ESRRG: variants seen among roughly 807,000 people sequenced by gnomAD.
The protein encoded by ESRRG is estrogen related receptor gamma, also known as estrogen-related receptor gamma.
Under a neutral mutation model 44.0 loss-of-function variants are expected in ESRRG, and 13 were observed. The ratio of observed to expected loss-of-function variants is 0.30; its 90% CI spans 0.19 to 0.47. ESRRG has a LOEUF of 0.47. Among genes scored for constraint, ESRRG ranks in the 20% least tolerant of loss-of-function variants. ESRRG has a pLI of 1.00. For synonymous variants in ESRRG, 215 were observed against 214.6 expected (o/e 1.00, Z -0.02); for missense variants, 395 against 580.6 (o/e 0.68, Z 3.29).
chr1:216,679,925 C>T (rs2076757081), intron 1 of ESRRG, among the ~76,000 whole-genome samples: 1 of 152,122 alleles, frequency 6.6e-6, no homozygotes, highest in Admixed American at 6.5e-5. Flanking sequence ...AGGGACTCTC[C>T]AGCAAGTTGT....
At position 217,095,516 on chromosome 1, in the gene ESRRG, C is replaced by T. The variant is rs545399387; in HGVS notation, c.-230+42151G>A. ...GGTGGCAAAGAATGGGGGACTGAGG[C>T]CGGACCTTGGCAGTGGGGAGGGAGG... On this transcript the variant is annotated intron_variant, in intron 1 of 8. Transcript: ENST00000366940. 2.0e-5 allele frequency among the ~76,000 whole-genome samples: 3 copies of T among 152,186 alleles called. No individual in the cohort carries two copies. The East Asian group carries it at 5.8e-4, about 29-fold the overall frequency.
rs891436394 is a variant in ESRRG at position 216,942,639 on chromosome 1, T to C, written c.-105-2966A>G. Reference sequence around the variant, plus strand: ...GTAGGATGGTATCTCACTGAGGTTTTGACTTGTATTTCCCTGATAATTAGT... The same window carrying C: ...GTAGGATGGTATCTCACTGAGGTTTCGACTTGTATTTCCCTGATAATTAGT... On this transcript the variant is annotated intron_variant, in intron 1 of 7. Coordinates refer to the ESRRG transcript ENST00000359162. Among the ~76,000 whole-genome samples, 9 of 152,224 alleles carry C rather than the reference T, an allele frequency of 5.9e-5. No homozygotes were observed. In the East Asian group the frequency reaches 1.7e-3, roughly 29 times the overall value.
chr1:216,534,655 C>A (rs530565294), intron 5 of ESRRG, among the ~76,000 whole-genome samples: 3 of 152,238 alleles, frequency 2.0e-5, no homozygotes, highest in Admixed American at 2.0e-4. Context: ...ACTGATGCAA[C>A]TATTCTGCTT....
At chr1:216,872,613 G>C (rs1328120793) in intron 2 of ESRRG, among the ~76,000 whole-genome samples, 1 of 151,922 alleles carries the variant, frequency 6.6e-6, no homozygotes, top group African/African-American at 2.4e-5. Context: ...GATTTTTATT[G>C]TGGGTTATTG....
chr1:216,595,947 T>C (rs147258921), intron 3 of ESRRG, among the ~76,000 whole-genome samples: 1 of 152,230 alleles, frequency 6.6e-6, no homozygotes, highest in South Asian at 2.1e-4. Flanking sequence ...TTGCCATGTT[T>C]CATATGCATG....
At chr1:217,045,644 G>T (rs1333956659) in intron 1 of ESRRG, among the ~76,000 whole-genome samples, 1 of 152,210 alleles carries the variant, frequency 6.6e-6, no homozygotes, top group Non-Finnish European at 1.5e-5. Flanking sequence ...GCAAGGCCAT[G>T]TGGGATAGCA....
intron 3 of ESRRG, among the ~76,000 whole-genome samples, chr1:216,597,374 A>G (rs2201838): frequency 0.83 from 126,234 of 152,068 alleles, 52,726 homozygotes; most frequent in African/African-American, 0.87. Flanking sequence ...TGGAGAGGTC[A>G]AAGAAGGAAC....
At chr1:216,995,579 G>T (rs1357514538) in intron 1 of ESRRG, among the ~76,000 whole-genome samples, 1 of 152,142 alleles carries the variant, frequency 6.6e-6, no homozygotes, top group Non-Finnish European at 1.5e-5. Flanking sequence ...GATCCTTCTT[G>T]ACTCAACCTA....
At chr1:216,685,029 G>T (rs1157452032) in intron 1 of ESRRG, among the ~76,000 whole-genome samples, 4 of 152,130 alleles carry the variant, frequency 2.6e-5, no homozygotes, top group Admixed American at 2.6e-4. Flanking sequence ...CAAGCATTTT[G>T]TCTCCAATCC....
chr1:216,781,323 G>A (rs189155299), intron 2 of ESRRG, among the ~76,000 whole-genome samples: 3 of 151,858 alleles, frequency 2.0e-5, no homozygotes, highest in Admixed American at 6.6e-5. Context: ...TGGAGAGTAA[G>A]GCCATAGAGA....
intron 5 of ESRRG, among the ~76,000 whole-genome samples, chr1:216,544,359 A>G (rs1182953471): frequency 6.6e-6 from 1 of 152,068 alleles, no homozygotes; most frequent in Non-Finnish European, 1.5e-5. Context: ...CTTCCTAAAC[A>G]AAGTCTATTA....
chr1:216,626,684 C>T (rs1558891381), intron 3 of ESRRG, among the ~76,000 whole-genome samples: 1 of 152,224 alleles, frequency 6.6e-6, no homozygotes, highest in African/African-American at 2.4e-5. Context: ...CCTCCCCACT[C>T]TGTTCACTTC....
intron 2 of ESRRG, among the ~76,000 whole-genome samples, chr1:216,769,634 T>A (rs1576349931): frequency 6.6e-6 from 1 of 152,184 alleles, no homozygotes; most frequent in South Asian, 2.1e-4. Context: ...TAAGTTTACT[T>A]CAATAGAGTG....
chr1:217,100,238 T>A (rs189910055), intron 1 of ESRRG, among the ~76,000 whole-genome samples: 2 of 152,316 alleles, frequency 1.3e-5, no homozygotes, highest in East Asian at 3.9e-4. Flanking sequence ...GTACTTTATA[T>A]GACAAAAATA....
chr1:216,850,598 C>T (rs1035515716), intron 2 of ESRRG, among the ~76,000 whole-genome samples: 1 of 152,006 alleles, frequency 6.6e-6, no homozygotes, highest in Non-Finnish European at 1.5e-5. Flanking sequence ...GTACTCCTAT[C>T]TCCTTTGTTC....
At chr1:216,766,420 C>A (rs1180705325) in intron 2 of ESRRG, among the ~76,000 whole-genome samples, 3 of 151,986 alleles carry the variant, frequency 2.0e-5, no homozygotes, top group South Asian at 2.1e-4. Context: ...CTGATGCCCC[C>A]ACTCCTGCCA....
chr1:216,675,184 A>C (rs950914589), intron 2 of ESRRG, among the ~76,000 whole-genome samples: 1 of 151,986 alleles, frequency 6.6e-6, no homozygotes, highest in Non-Finnish European at 1.5e-5. Flanking sequence ...AATGTGGTGA[A>C]ACCTTGTCTC....
intron 3 of ESRRG, among the ~76,000 whole-genome samples, chr1:216,645,172 G>A (rs12728192): frequency 0.02 from 3,065 of 152,116 alleles, 45 homozygotes; most frequent in Admixed American, 0.022. Context: ...CAACTCTCAC[G>A]TCTGTTAACT....
intron 1 of ESRRG, among the ~76,000 whole-genome samples, chr1:217,072,527 T>A (rs1294389137): frequency 6.6e-6 from 1 of 152,116 alleles, no homozygotes; most frequent in African/African-American, 2.4e-5. Flanking sequence ...AATATAGACA[T>A]TATAGTTATT....
Sources: allele counts gnomAD v4.1 joint callset (sites outside exome capture counted in the v4.1 genomes callset), GRCh38; gene constraint gnomAD v4.1.1; transcripts MANE v1.5; gene names NCBI Gene and HGNC (gene_info 2026-07-23, HGNC 2026-07-21).